The following GTF2IRD1 variants were observed in gnomAD, a reference collection of about 807,000 sequenced individuals.
GTF2IRD1 encodes the protein general transcription factor II-I repeat domain-containing protein 1.
In GTF2IRD1, 26 loss-of-function variants were observed where a neutral mutation model predicts 113.2. The ratio of observed to expected loss-of-function variants is 0.23; its 90% CI spans 0.17 to 0.32. GTF2IRD1 has a LOEUF of 0.32. GTF2IRD1 is among the 10% of genes least tolerant of loss of function. GTF2IRD1 has a pLI of 1.00. For synonymous variants in GTF2IRD1, 484 were observed against 529.1 expected (o/e 0.91, Z 1.17); for missense variants, 864 against 1,280.8 (o/e 0.67, Z 4.97).
At chr7:74,510,055 C>T (rs1306332759) in intron 2 of GTF2IRD1, among the ~76,000 whole-genome samples, 1 of 152,118 alleles carries the variant, frequency 6.6e-6, no homozygotes, top group Non-Finnish European at 1.5e-5. Flanking sequence ...GCTGTTCCTG[C>T]TGTAGGTGGC....
At position 74,528,920 on chromosome 7, in the gene GTF2IRD1, T is replaced by TGGATGGATGGAC. The variant is rs782584833; in HGVS notation, c.1091-811_1091-810insTGGATGGACGGA. ...ATGGATGGATGGATGGATGGATGGA[T>TGGATGGATGGAC]GGACGGACAACCGGGTGGATGGGTG... On this transcript the variant is annotated intron_variant, in intron 8 of 26. Transcript: ENST00000424337. Among the ~76,000 whole-genome samples the TGGATGGATGGAC allele has an allele frequency of 3.4e-3, 347 of 102,240 alleles. 2 individuals carry two copies. Among genetic ancestry groups the TGGATGGATGGAC allele is most frequent in the African/African-American group, 9.8e-3 (279 of 28,594 alleles). 67.1% of individuals were successfully genotyped at this position (102,240 alleles called of 152,430 possible). A position where few individuals can be genotyped will look rare whatever the true frequency, so the allele number is the denominator to read the frequency against.
At position 74,508,124 on chromosome 7, in the gene GTF2IRD1, G is replaced by A. The variant is rs1554341629; in HGVS notation, c.44G>A (p.Cys15Tyr). The A allele has an allele frequency of 3.1e-6, 5 of 1,611,152 alleles. No individual in the cohort carries two copies. Among genetic ancestry groups the A allele is most frequent in the East Asian group, 4.5e-5 (2 of 44,878 alleles). The change falls in exon 2 of 27, where the codon TGC (cysteine) becomes TAC (tyrosine). Residue 15 changes from cysteine to tyrosine, a missense_variant. Cys to Tyr is a radical substitution (Grantham distance 194). Transcript: ENST00000424337. ...CGCTGTGACGTCCCCACCAACGGCT[G>A]CGGACCCGACCGCTGGAACTCCGCG... is the stretch of plus-strand genomic sequence containing the variant. ...GKRCDVPTNG[C>Y]GPDRWNSAFT...
intron 3 of GTF2IRD1, among the ~76,000 whole-genome samples, chr7:74,514,567 T>G (rs2130156979): frequency 6.6e-6 from 1 of 152,164 alleles, no homozygotes; most frequent in African/African-American, 2.4e-5. Context: ...CTCATCTCCT[T>G]TCCAATGCAG....
chr7:74,514,794 C>G (rs1239907983), intron 3 of GTF2IRD1, among the ~76,000 whole-genome samples: 1 of 151,874 alleles, frequency 6.6e-6, no homozygotes, highest in African/African-American at 2.4e-5. Context: ...CACAGAAAGG[C>G]ATGGATGGGG....
intron 22 of GTF2IRD1, among the ~76,000 whole-genome samples, chr7:74,576,376 C>T (rs919440176): frequency 1.1e-4 from 17 of 151,050 alleles, no homozygotes; most frequent in African/African-American, 3.9e-4. Flanking sequence ...GCCTGGCCAA[C>T]GTGGTAAAAC....
intron 6 of GTF2IRD1, 55 bp downstream of exon 6, chr7:74,519,774 G>T: frequency 3.1e-6 from 4 of 1,277,380 alleles, no homozygotes; most frequent in East Asian, 4.7e-5. Flanking sequence ...GGTCACTCAT[G>T]CAGGGGACAG....
At chr7:74,578,370 G>A (rs1381215225) in intron 22 of GTF2IRD1, among the ~76,000 whole-genome samples, 1 of 151,808 alleles carries the variant, frequency 6.6e-6, no homozygotes, top group African/African-American at 2.4e-5. Flanking sequence ...TAGAGACGGG[G>A]TTTCACTGTG....
chr7:74,554,656 A>G (rs1172160576), intron 17 of GTF2IRD1, among the ~76,000 whole-genome samples: 12 of 152,024 alleles, frequency 7.9e-5, no homozygotes, highest in African/African-American at 2.9e-4. Flanking sequence ...CCCCTCCCTC[A>G]GCCTCCCAAG....
In GTF2IRD1 at chr7:74,568,270, C is replaced by T. The variant is rs1164664450; in HGVS notation, c.2320+8615C>T. Among the ~76,000 whole-genome samples the T allele has an allele frequency of 5.0e-5, 7 of 140,524 alleles. No individual in the cohort carries two copies. In the South Asian group the frequency reaches 1.1e-3, roughly 22 times the overall value. 92.2% of individuals were successfully genotyped at this position (140,524 alleles called of 152,430 possible). A position where few individuals can be genotyped will look rare whatever the true frequency, so the allele number is the denominator to read the frequency against. ...CCTGTAATCCAGCACTTTGGGAGGC[C>T]GAGGCAGTAGGATCACTTGAGCCCA... On this transcript the variant is annotated intron_variant, in intron 22 of 26. Coordinates refer to ENST00000424337, the MANE Select transcript of GTF2IRD1 (RefSeq NM_005685.4).
chr7:74,483,569 G>T (rs1233790800), intron 1 of GTF2IRD1, among the ~76,000 whole-genome samples: 1 of 151,954 alleles, frequency 6.6e-6, no homozygotes, highest in Admixed American at 6.6e-5. Flanking sequence ...TAAAAATCAG[G>T]CATGGCAGCA....
intron 7 of GTF2IRD1, among the ~76,000 whole-genome samples, chr7:74,521,801 A>G (rs587761017): frequency 7.9e-5 from 12 of 152,156 alleles, no homozygotes; most frequent in African/African-American, 2.9e-4. Flanking sequence ...TAACCCCAAA[A>G]TGGAGCTTAA....
At chr7:74,545,907 A>AT (rs1214518575) in intron 16 of GTF2IRD1, 98 bp downstream of exon 16, 4 of 868,066 alleles carry the variant, frequency 4.6e-6, no homozygotes, top group Non-Finnish European at 7.8e-6. Context: ...GCCTGTTCCC[A>AT]TCCCAGCTGT....
intron 21 of GTF2IRD1, 134 bp from the exon 22 acceptor site, chr7:74,559,493 C>G: frequency 1.4e-6 from 1 of 729,904 alleles, no homozygotes; most frequent in Admixed American, 2.8e-5. Context: ...CCCAGGGCAG[C>G]TTGTTAAAAT....
chr7:74,507,942 C>A, intron 1 of GTF2IRD1, 133 bp from the exon 2 acceptor site: 1 of 956,498 alleles, frequency 1.0e-6, no homozygotes, highest in Non-Finnish European at 1.5e-6. Context: ...GCCCTTGGGC[C>A]CAGGGAAGGT....
intron 4 of GTF2IRD1, among the ~76,000 whole-genome samples, chr7:74,516,528 A>G (rs1196722826): frequency 1.3e-5 from 2 of 152,220 alleles, no homozygotes; most frequent in Non-Finnish European, 2.9e-5. Context: ...AACATCGGGC[A>G]GGTCCCTTTG....
intron 1 of GTF2IRD1, among the ~76,000 whole-genome samples, chr7:74,481,299 C>T (rs577921926): frequency 2.4e-4 from 37 of 152,262 alleles, no homozygotes; most frequent in Middle Eastern, 3.4e-3. Flanking sequence ...TGACGACAGG[C>T]GCGTGCCACC....
At chr7:74,459,088 A>G (rs1420895629) in intron 1 of GTF2IRD1, among the ~76,000 whole-genome samples, 4 of 152,000 alleles carry the variant, frequency 2.6e-5, no homozygotes. Context: ...CTTCATGAGT[A>G]TGGAGGGTCG....
Position 74,513,013 on chromosome 7 carries a change from C to T in GTF2IRD1, c.265+42C>T, listed in dbSNP as rs782409971. The T allele has an allele frequency of 3.0e-5, 48 of 1,600,866 alleles. 1 individual carries two copies. In the African/African-American group the frequency reaches 4.8e-4, roughly 16 times the overall value. On this transcript the variant is annotated intron_variant, in intron 3 of 26. Coordinates refer to ENST00000424337, the MANE Select transcript of GTF2IRD1 (RefSeq NM_005685.4). ...TCCGGAGGGCCGGGCCCGCCATTTCCCGAGGGCAGGCGCTCTAGCCCATCT... is the reference window on the plus strand; with the variant it reads ...TCCGGAGGGCCGGGCCCGCCATTTCTCGAGGGCAGGCGCTCTAGCCCATCT...
At chr7:74,494,994 A>G (rs1222714612) in intron 1 of GTF2IRD1, among the ~76,000 whole-genome samples, 3 of 152,196 alleles carry the variant, frequency 2.0e-5, no homozygotes, top group Admixed American at 1.3e-4. Context: ...GCCTCAAGCA[A>G]TCCTTCTGCC....
Sources: allele counts gnomAD v4.1 joint callset (sites outside exome capture counted in the v4.1 genomes callset), GRCh38; gene constraint gnomAD v4.1.1; transcripts MANE v1.5; gene names NCBI Gene and HGNC (gene_info 2026-07-23, HGNC 2026-07-21).